HS6ST3: variants seen among roughly 807,000 people sequenced by gnomAD.
HS6ST3 encodes the protein heparan-sulfate 6-O-sulfotransferase 3.
A neutral mutation model predicts 36.7 loss-of-function variants in HS6ST3; 12 were observed. That is an observed-to-expected ratio of 0.33 (90% CI 0.21 to 0.53). The LOEUF is 0.53. HS6ST3 is among the 20% of genes least tolerant of loss of function. HS6ST3 has a pLI of 0.95. For missense variants in HS6ST3, 584 were observed against 640.9 expected (o/e 0.91, Z 0.96); for synonymous variants, 240 against 257.5 (o/e 0.93, Z 0.65).
chr13:96,669,760 A>G (rs946607300), intron 1 of HS6ST3, among the ~76,000 whole-genome samples: 1 of 152,164 alleles, frequency 6.6e-6, no homozygotes, highest in Non-Finnish European at 1.5e-5. Context: ...TAAAAGAACT[A>G]CGTAATAAAG....
chr13:96,629,532 C>A (rs1204124914), intron 1 of HS6ST3, among the ~76,000 whole-genome samples: 1 of 152,182 alleles, frequency 6.6e-6, no homozygotes, highest in Non-Finnish European at 1.5e-5. Context: ...AGGGCCACGT[C>A]ATGCATGCGT....
At chr13:96,737,671 A>G (rs1383621928) in intron 1 of HS6ST3, among the ~76,000 whole-genome samples, 1 of 151,676 alleles carries the variant, frequency 6.6e-6, no homozygotes, top group African/African-American at 2.4e-5. Flanking sequence ...ATTATTTTCA[A>G]ACCACGGGCT....
intron 1 of HS6ST3, among the ~76,000 whole-genome samples, chr13:96,197,412 G>A (rs908442789): frequency 6.6e-6 from 1 of 152,120 alleles, no homozygotes; most frequent in African/African-American, 2.4e-5. Context: ...AATTCTGGGA[G>A]CTACAATTCA....
chr13:96,705,560 T>G (rs1405633073), intron 1 of HS6ST3, among the ~76,000 whole-genome samples: 1 of 152,172 alleles, frequency 6.6e-6, no homozygotes, highest in Non-Finnish European at 1.5e-5. Flanking sequence ...CTTCCTCCCT[T>G]GCACTCAGAT....
chr13:96,268,076 G>A (rs951371170), intron 1 of HS6ST3, among the ~76,000 whole-genome samples: 1 of 151,864 alleles, frequency 6.6e-6, no homozygotes, highest in African/African-American at 2.4e-5. Flanking sequence ...GTCCTGTTGG[G>A]TGAGGGCTCT....
intron 1 of HS6ST3, among the ~76,000 whole-genome samples, chr13:96,191,388 T>C (rs970080484): frequency 3.3e-5 from 5 of 152,244 alleles, no homozygotes; most frequent in Admixed American, 6.5e-5. Flanking sequence ...CCTACTGTGC[T>C]ACAGTCCTTG....
intron 1 of HS6ST3, among the ~76,000 whole-genome samples, chr13:96,247,211 C>A (rs2054588628): frequency 6.6e-6 from 1 of 151,982 alleles, no homozygotes; most frequent in Non-Finnish European, 1.5e-5. Flanking sequence ...AGTCCTTGGA[C>A]CCTTTCCTCT....
intron 1 of HS6ST3, among the ~76,000 whole-genome samples, chr13:96,239,672 C>T (rs2054551053): frequency 6.6e-6 from 1 of 152,162 alleles, no homozygotes; most frequent in Admixed American, 6.5e-5. Flanking sequence ...TGAATATTAT[C>T]ACACAAAGAG....
chr13:96,597,941 A>C (rs1035799086), intron 1 of HS6ST3, among the ~76,000 whole-genome samples: 7 of 151,810 alleles, frequency 4.6e-5, no homozygotes, highest in Non-Finnish European at 5.9e-5. Context: ...TCCTTTCCCC[A>C]GTGTAGGTTT....
At chr13:96,370,609 C>T (rs2055284746) in intron 1 of HS6ST3, among the ~76,000 whole-genome samples, 1 of 152,130 alleles carries the variant, frequency 6.6e-6, no homozygotes, top group Non-Finnish European at 1.5e-5. Context: ...TCATCACTCC[C>T]ATTTAAAAAA....
chr13:96,512,558 T>C (rs1462158284), intron 1 of HS6ST3, among the ~76,000 whole-genome samples: 1 of 152,162 alleles, frequency 6.6e-6, no homozygotes, highest in Admixed American at 6.6e-5. Flanking sequence ...GTTTTTTTTG[T>C]TGTTGTTCTT....
At chr13:96,154,362 A>G (rs538216334) in intron 1 of HS6ST3, among the ~76,000 whole-genome samples, 167 of 152,268 alleles carry the variant, frequency 1.1e-3, no homozygotes, top group African/African-American at 3.7e-3. Context: ...CTGTAATTAT[A>G]ACAGATAGGT....
At chr13:96,555,209 G>A (rs1408697566) in intron 1 of HS6ST3, among the ~76,000 whole-genome samples, 1 of 152,108 alleles carries the variant, frequency 6.6e-6, no homozygotes, top group Admixed American at 6.6e-5. Context: ...ACATTGATAA[G>A]TAAGTGAGAT....
rs141693333 is a variant in HS6ST3 at position 96,543,021 on chromosome 13, A to G, written c.708-289469A>G. Among the ~76,000 whole-genome samples the G allele has an allele frequency of 5.8e-3, 880 of 152,324 alleles. 5 individuals carry two copies. The highest frequency in any genetic ancestry group is 9.2e-3 in the Non-Finnish European group (623 of 68,020). On this transcript the variant is annotated intron_variant, in intron 1 of 1. Transcript: ENST00000376705. ...ATAATCAAATAAGATTCTTTCAGAA[A>G]CCAACGAGAGCTCTGAGGAAAAAAC...
At chr13:96,808,633 C>G (rs780426842) in intron 1 of HS6ST3, among the ~76,000 whole-genome samples, 1 of 152,158 alleles carries the variant, frequency 6.6e-6, no homozygotes, top group Admixed American at 6.5e-5. Context: ...AACCCAACCT[C>G]TTCTGACCGA....
At chr13:96,131,113 C>T (rs1221197217) in intron 1 of HS6ST3, among the ~76,000 whole-genome samples, 1 of 152,186 alleles carries the variant, frequency 6.6e-6, no homozygotes, top group East Asian at 1.9e-4. Flanking sequence ...TCACTGCCCT[C>T]AGCTTTCCAT....
At chr13:96,426,008 A>G (rs2055585086) in intron 1 of HS6ST3, among the ~76,000 whole-genome samples, 1 of 151,686 alleles carries the variant, frequency 6.6e-6, no homozygotes, top group Non-Finnish European at 1.5e-5. Flanking sequence ...CCCCCCGAGA[A>G]CCCCCAGAGA....
At chr13:96,370,165 G>T (rs905764966) in intron 1 of HS6ST3, among the ~76,000 whole-genome samples, 66 of 152,092 alleles carry the variant, frequency 4.3e-4, no homozygotes, top group African/African-American at 1.5e-3. Context: ...TGATTTATTC[G>T]GTCTCAGGTG....
At chr13:96,168,432 G>A (rs2054171068) in intron 1 of HS6ST3, among the ~76,000 whole-genome samples, 1 of 152,112 alleles carries the variant, frequency 6.6e-6, no homozygotes, top group Admixed American at 6.5e-5. Context: ...CAGGTCAGGT[G>A]CAGTGGCTCA....
Sources: gnomAD v4.1 joint callset for allele counts (sites outside exome capture counted in the v4.1 genomes callset) on GRCh38, gnomAD v4.1.1 for gene constraint, MANE v1.5 for transcripts, NCBI Gene and HGNC (gene_info 2026-07-23, HGNC 2026-07-21) for gene names.